Variants in SUN2 observed in about 807,000 individuals in gnomAD.
SUN2 encodes Sad1 and UNC84 domain containing 2, also known as SUN domain-containing protein 2.
A neutral mutation model predicts 100.0 loss-of-function variants in SUN2; 60 were observed. That is an observed-to-expected ratio of 0.60 (90% CI 0.49 to 0.74). The LOEUF (loss-of-function observed/expected upper bound fraction) is 0.74. Ranked by LOEUF, SUN2 falls within the 30% of genes least tolerant of loss-of-function variation. SUN2 has a pLI of 0.00. For missense variants in SUN2, 834 were observed against 954.6 expected, an observed-to-expected ratio of 0.87 and a Z score of 1.66; for synonymous variants, 367 against 403.3, an observed-to-expected ratio of 0.91 and a Z score of 1.08.
At chr22:38,753,954 T>C (rs1386215450) in intron 1 of SUN2, among the ~76,000 whole-genome samples, 1 of 152,148 alleles carries the variant, frequency 6.6e-6, no homozygotes, top group Admixed American at 6.5e-5. Context: ...GCCTCACACA[T>C]GCGCAAAACA....
At position 38,755,541 on chromosome 22, in the gene SUN2, C is replaced by T; in HGVS notation, c.-38+222G>A. 1 of 977,804 alleles carries T rather than the reference C, an allele frequency of 1.0e-6. No individual in the cohort carries two copies. The highest frequency in any genetic ancestry group is 1.7e-5 in the African/African-American group (1 of 57,184). 60.6% of individuals were successfully genotyped at this position (977,804 alleles called of 1,614,324 possible). A position where few individuals can be genotyped will look rare whatever the true frequency, so the allele number is the denominator to read the frequency against. The stretch of plus-strand genomic sequence containing the variant: ...GCCCGGGAAGTCCCGCCCGCAGACA[C>T]CGCCCTCCCGGCTGACCAGTGGCGC... On this transcript the variant is annotated intron_variant, in intron 1 of 17. Transcript: ENST00000689035. This position sits in a 1 kb window ranked among gnomAD's most constrained non-coding sequence, Gnocchi z 5.7.
chr22:38,738,263 C>G lies in SUN2; in HGVS notation c.1950G>C (p.Gly650=). Residue 650 remains glycine (G), a splice_region_variant and synonymous_variant, in exon 17 of 18, where the codon GGG becomes GGC. Coordinates refer to ENST00000689035, the MANE Select transcript of SUN2 (RefSeq NM_015374.3). This position sits in a 1 kb window ranked among gnomAD's most constrained non-coding sequence, Gnocchi z 6.6. ...SSAPKDFAIF[G]FDEDLQQEGT... ...CCTCCTGCTGCAGGTCTTCGTCAAACCCCTGCAAAGAGAGCGGAGGGAAGT... is the reference window on the plus strand; with the variant it reads ...CCTCCTGCTGCAGGTCTTCGTCAAAGCCCTGCAAAGAGAGCGGAGGGAAGT... 1.2e-6 allele frequency: 2 copies of G among 1,613,556 alleles called. No individual in the cohort carries two copies. The highest frequency in any genetic ancestry group is 1.7e-6 in the Non-Finnish European group (2 of 1,179,784).
Position 38,751,282 on chromosome 22 carries a change from C to T in SUN2, c.214G>A (p.Glu72Lys). ...AACCAGGACTCGTGGACCAGCGACT[C>T]ACTGTAGTAGGAGGTGTGTGCATCA... Reference protein sequence around the residue: ...SSDAHTSYYSESLVHESWFPP... With the variant: ...SSDAHTSYYSKSLVHESWFPP... Residue 72 changes from glutamate (E) to lysine (K), a missense_variant, in exon 3 of 18, where the codon GAG becomes AAG. This residue lies in a region of SUN2 where 559 missense variants were observed against 597.7 expected (regional missense o/e 0.94). Transcript: ENST00000689035. 6.2e-7 allele frequency: 1 copy of T among 1,614,184 alleles called. No individual in the cohort carries two copies. The highest frequency in any genetic ancestry group is 8.5e-7 in the Non-Finnish European group (1 of 1,180,016).
At position 38,738,996 on chromosome 22, in the gene SUN2, A is replaced by G. The variant is rs1045388817; in HGVS notation, c.1664-8T>C. 6.2e-7 allele frequency: 1 copy of G among 1,603,546 alleles called. No homozygotes were observed. The highest frequency in any genetic ancestry group is 8.5e-7 in the Non-Finnish European group (1 of 1,175,450). On this transcript the variant is annotated splice_region_variant and splice_polypyrimidine_tract_variant and intron_variant, in intron 14 of 17. Coordinates refer to ENST00000689035, the MANE Select transcript of SUN2 (RefSeq NM_015374.3). The surrounding 1 kb of genome is among the most constrained non-coding windows in gnomAD (Gnocchi z 6.6). ...TGCTGATGACGCTGGCCCCTGAGACAGGAGAGGAAGGCAGGGTGGGCTCCC... is the reference window on the plus strand; with the variant it reads ...TGCTGATGACGCTGGCCCCTGAGACGGGAGAGGAAGGCAGGGTGGGCTCCC...
At chr22:38,750,003 G>C in intron 5 of SUN2, 144 bp from the exon 6 acceptor site, 1 of 988,508 alleles carries the variant, frequency 1.0e-6, no homozygotes, top group African/African-American at 1.8e-5. Flanking sequence ...CCAGGTCCTT[G>C]GATCCCACCT....
Position 38,742,371 on chromosome 22 carries a change from T to C in SUN2, c.998A>G (p.Glu333Gly), listed in dbSNP as rs199527186. The change falls in exon 9 of 18, where the codon GAG becomes GGG. Residue 333 changes from glutamate to glycine, a missense_variant. By Grantham distance (98) the Glu-to-Gly change is moderately conservative (BLOSUM62 -2). This residue lies in a region of SUN2 where 559 missense variants were observed against 597.7 expected (regional missense o/e 0.94). Coordinates refer to ENST00000689035, the MANE Select transcript of SUN2 (RefSeq NM_015374.3). The part of the protein sequence containing the change: ...LSHEDTLALL[E>G]GLVSRREAAL... ...AGCTTCACGGCGGCTCACTAGCCCC[T>C]CCAGCAGCGCCAGGGTGTCCTCGTG... 9.3e-6 allele frequency: 15 copies of C among 1,613,104 alleles called. No homozygotes were observed. In the African/African-American group the frequency reaches 1.9e-4, roughly 20 times the overall value.
chr22:38,742,435 G>A lies in SUN2; in HGVS notation c.934C>T (p.Gln312Ter). 1 of 1,613,564 alleles carries A rather than the reference G, an allele frequency of 6.2e-7. No individual in the cohort carries two copies. The highest frequency in any genetic ancestry group is 8.5e-7 in the Non-Finnish European group (1 of 1,180,014). ...CCACCTCCCTGGCCAGGAGCCCCTT[G>A]CCGCAGCTCCAGACGTTCCAGCCGC... ...AMRLERLELR[Q>*]GAPGQGGGGG... Residue 312 changes from glutamine (Q) to a stop codon, truncating the protein, a stop_gained, in exon 9 of 18, where the codon CAA becomes TAA. Transcript: ENST00000689035. LOFTEE classifies it high-confidence loss of function.
At chr22:38,752,709 G>C (rs773583111) in intron 1 of SUN2, 44 bp from the exon 2 acceptor site, 2 of 1,558,790 alleles carry the variant, frequency 1.3e-6, no homozygotes, top group Non-Finnish European at 1.7e-6. Flanking sequence ...GCCTGGGGCT[G>C]TCCCCAGCTC....
Position 38,754,631 on chromosome 22 carries a change from A to G in SUN2, c.-38+1132T>C, listed in dbSNP as rs146969693. The G allele has an allele frequency of 1.9e-3, 1,012 of 528,340 alleles. 14 individuals carry two copies. In the African/African-American group the frequency reaches 0.025, roughly 13 times the overall value. 32.7% of individuals were successfully genotyped at this position (528,340 alleles called of 1,614,324 possible). A position where few individuals can be genotyped will look rare whatever the true frequency, so the allele number is the denominator to read the frequency against. ...CCTCCCCCCTCCCTGCCCCGCCCGT[A>G]CGGTCCCTACCTGAAGGCTCCAGCT... On this transcript the variant is annotated intron_variant, in intron 1 of 17. Transcript: ENST00000689035.
Position 38,739,419 on chromosome 22 carries a change from T to C in SUN2, c.1586A>G (p.His529Arg). 2 of 1,612,978 alleles carry C rather than the reference T, an allele frequency of 1.2e-6. No homozygotes were observed. The highest frequency in any genetic ancestry group is 2.2e-5 in the South Asian group (2 of 91,080). The stretch of plus-strand genomic sequence containing the variant: ...CTGCAGGGCCTGCTTCACGATGTGG[T>C]GCACCTGCTGCAATGCAGGCACCAG... ...GVIGVTEEQV[H>R]HIVKQALQRY... Residue 529 changes from histidine (H) to arginine (R), a missense_variant, in exon 14 of 18, where the codon CAC (histidine) becomes CGC (arginine). By Grantham distance (29) the His-to-Arg change is conservative. Around this residue, in one of 3 missense-constraint regions of SUN2, gnomAD observed 195 missense variants for 280.2 expected, o/e 0.70. Coordinates refer to ENST00000689035, the MANE Select transcript of SUN2 (RefSeq NM_015374.3). This position sits in a 1 kb window ranked among gnomAD's most constrained non-coding sequence, Gnocchi z 6.7.
At chr22:38,743,117 G>A (rs371954728) in intron 8 of SUN2, 4 of 152,374 alleles carry the variant, frequency 2.6e-5, no homozygotes, top group Non-Finnish European at 5.9e-5. Context: ...TGGACTGAGG[G>A]TGGCATTTGA....
Position 38,735,288 on chromosome 22 carries a change from G to A in SUN2, c.*979C>T. ...AGAGCCCAAGGGGGCAGCCTGAGCG[G>A]ACGACCCCTACATCAGGGCCTGGTT... On this transcript the variant is annotated 3_prime_UTR_variant, in exon 18 of 18. Transcript: ENST00000689035. 1 of 454,324 alleles carries A rather than the reference G, an allele frequency of 2.2e-6. No individual in the cohort carries two copies. The highest frequency in any genetic ancestry group is 4.4e-6 in the Non-Finnish European group (1 of 226,222). The allele number at this position is 454,324 out of a possible 1,614,324, so 28.1% of individuals were successfully genotyped here.
At position 38,751,241 on chromosome 22, in the gene SUN2, G is replaced by C. The variant is rs543681840; in HGVS notation, c.255C>G (p.Ser85=). 9.3e-6 allele frequency: 15 copies of C among 1,613,738 alleles called. No individual in the cohort carries two copies. In the African/African-American group the frequency reaches 1.9e-4, roughly 20 times the overall value. Residue 85 remains serine, a synonymous_variant, in exon 3 of 18, where the codon TCC becomes TCG. Transcript: ENST00000689035. Reference sequence around the variant, plus strand: ...TGGCGTCACCATGCAGTTCCTCCAGGGAGCTCCTGGGTGGGAACCAGGACT... The same window carrying C: ...TGGCGTCACCATGCAGTTCCTCCAGCGAGCTCCTGGGTGGGAACCAGGACT... ...VHESWFPPRS[S]LEELHGDANW... is the part of the protein sequence containing the mutation.
intron 8 of SUN2, chr22:38,745,100 A>C (rs1245594047): frequency 6.4e-6 from 3 of 471,056 alleles, no homozygotes; most frequent in Admixed American, 4.7e-5. Context: ...GTTCTGGATC[A>C]AGGCCTCAAA....
chr22:38,738,013 C>A lies in SUN2; in HGVS notation c.2040+160G>T, dbSNP rs918597543. ...CCCCTGTGCTGACGTCTGCAGGATGCGTGTTACACCCCATTTGGATATCAC... is the reference window on the plus strand; with the variant it reads ...CCCCTGTGCTGACGTCTGCAGGATGAGTGTTACACCCCATTTGGATATCAC... On this transcript the variant is annotated intron_variant, in intron 17 of 17. Transcript: ENST00000689035. This position sits in a 1 kb window ranked among gnomAD's most constrained non-coding sequence, Gnocchi z 6.6. 1.4e-6 allele frequency: 1 copy of A among 738,052 alleles called. No individual in the cohort carries two copies. The highest frequency in any genetic ancestry group is 2.5e-6 in the Non-Finnish European group (1 of 403,326). The allele number at this position is 738,052 out of a possible 1,614,324, so 45.7% of individuals were successfully genotyped here. A position where few individuals can be genotyped will look rare whatever the true frequency, so the allele number is the denominator to read the frequency against.
At position 38,741,243 on chromosome 22, in the gene SUN2, G is replaced by GTA. The variant is rs112509404; in HGVS notation, c.1147-195_1147-194dup. 0.048 allele frequency among the ~76,000 whole-genome samples: 7,305 copies of GTA among 152,200 alleles called. 605 individuals carry two copies. The highest frequency in any genetic ancestry group is 0.17 in the African/African-American group (6,958 of 41,498). On this transcript the variant is annotated intron_variant, in intron 10 of 17. Transcript: ENST00000689035. ...TCTCGTCCATGTCTGACACACTGAGGTATCTGTTCACCCACACTCAGCACA... is the reference window on the plus strand; with the variant it reads ...TCTCGTCCATGTCTGACACACTGAGGTATATCTGTTCACCCACACTCAGCACA...
intron 1 of SUN2, among the ~76,000 whole-genome samples, chr22:38,753,466 T>C (rs560560040): frequency 3.9e-5 from 6 of 152,232 alleles, no homozygotes; most frequent in African/African-American, 1.4e-4. Flanking sequence ...TCTGTCCACC[T>C]CGGCTTCCCA....
Position 38,737,891 on chromosome 22 carries a change from T to C in SUN2, c.2040+282A>G, listed in dbSNP as rs1603213087. 2 of 635,426 alleles carry C rather than the reference T, an allele frequency of 3.1e-6. No homozygotes were observed. Among genetic ancestry groups the C allele is most frequent in the Non-Finnish European group, 6.0e-6 (2 of 333,368 alleles). 39.4% of individuals were successfully genotyped at this position (635,426 alleles called of 1,614,324 possible). A position where few individuals can be genotyped will look rare whatever the true frequency, so the allele number is the denominator to read the frequency against. On this transcript the variant is annotated intron_variant, in intron 17 of 17. Coordinates refer to ENST00000689035, the MANE Select transcript of SUN2 (RefSeq NM_015374.3). This position sits in a 1 kb window ranked among gnomAD's most constrained non-coding sequence, Gnocchi z 4.1. ...GCTCCTCGAACGCCTCTCCCGGCCT[T>C]CCTTTCCTGGCCACCCAACCCCTCT...
rs183080174 is a variant in SUN2, at chr22:38,737,238, G to A, written c.2041-858C>T. ...CAACTCAGTTCTTTCTGGCTCCCCC[G>A]ACAGCTCCACTGGACTGTTCCATAG... On this transcript the variant is annotated intron_variant, in intron 17 of 17. Transcript: ENST00000689035. This position sits in a 1 kb window ranked among gnomAD's most constrained non-coding sequence, Gnocchi z 4.1. Among the ~76,000 whole-genome samples the A allele has an allele frequency of 2.2e-4, 33 of 151,978 alleles. No homozygotes were observed. The highest frequency in any genetic ancestry group is 5.9e-4 in the Admixed American group (9 of 15,266).
Sources: allele counts gnomAD v4.1 joint callset (sites outside exome capture counted in the v4.1 genomes callset), GRCh38; gene constraint gnomAD v4.1.1; regional missense constraint gnomAD v4.1.1; non-coding constraint Gnocchi (gnomAD v3.1); transcripts MANE v1.5; gene names NCBI Gene and HGNC (gene_info 2026-07-23, HGNC 2026-07-21).